Variants in SEMA3E observed in about 807,000 individuals in gnomAD.
SEMA3E encodes semaphorin 3E.
SEMA3E carries 49 observed loss-of-function variants against 93.6 expected under a neutral mutation model. The observed-to-expected ratio is 0.52, with a 90% CI of 0.42 to 0.66. The LOEUF (loss-of-function observed/expected upper bound fraction) is 0.66, where lower values mean the gene tolerates loss of function less well. Ranked by LOEUF, SEMA3E falls within the 30% of genes least tolerant of loss-of-function variation. The pLI, the probability that SEMA3E is intolerant of heterozygous loss-of-function variation, is 0.00. For missense variants in SEMA3E, 906 were observed against 964.8 expected (o/e 0.94, Z 0.81); for synonymous variants, 363 against 330.7 (o/e 1.10, Z -1.06).
chr7:83,448,244 T>A (rs1789276904), intron 4 of SEMA3E, among the ~76,000 whole-genome samples: 1 of 152,234 alleles, frequency 6.6e-6, no homozygotes, highest in South Asian at 2.1e-4. Context: ...AATTTATAAC[T>A]AATTCAACTT....
intron 1 of SEMA3E, among the ~76,000 whole-genome samples, chr7:83,608,093 A>G (rs1793164760): frequency 6.6e-6 from 1 of 151,974 alleles, no homozygotes; most frequent in African/African-American, 2.4e-5. Flanking sequence ...GCACCTGTCA[A>G]TCCTAGACAC....
At chr7:83,457,220 G>A (rs2115842100) in intron 4 of SEMA3E, among the ~76,000 whole-genome samples, 1 of 149,874 alleles carries the variant, frequency 6.7e-6, no homozygotes, top group Admixed American at 6.7e-5. Context: ...CAGAATGACA[G>A]AGACAGACAG....
chr7:83,622,038 A>G (rs1322177807), intron 1 of SEMA3E, among the ~76,000 whole-genome samples: 1 of 152,218 alleles, frequency 6.6e-6, no homozygotes, highest in East Asian at 1.9e-4. Flanking sequence ...AGAAGCTATC[A>G]TCAGAGTGAA....
chr7:83,374,709 C>G (rs557608020), intron 16 of SEMA3E, among the ~76,000 whole-genome samples: 1 of 152,204 alleles, frequency 6.6e-6, no homozygotes, highest in Non-Finnish European at 1.5e-5. Flanking sequence ...TTTACTTTTA[C>G]AGTTCATGCA....
At chr7:83,616,354 A>G (rs577862599) in intron 1 of SEMA3E, among the ~76,000 whole-genome samples, 1 of 152,276 alleles carries the variant, frequency 6.6e-6, no homozygotes, top group East Asian at 1.9e-4. Context: ...ACTTTTGTAT[A>G]TGTGTGTTAT....
rs1472285194 is a variant in SEMA3E, at chr7:83,526,940, A to G, written c.116-36666T>C. ...AGGTTAATTGTGACCTCATAATGAT[A>G]TGTTCAAGCCCCAACCCCCAGCTTT... On this transcript the variant is annotated intron_variant, in intron 1 of 16. Coordinates refer to ENST00000643230, the MANE Select transcript of SEMA3E (RefSeq NM_012431.3). 3.3e-5 allele frequency among the ~76,000 whole-genome samples: 5 copies of G among 152,010 alleles called. No homozygotes were observed. In the East Asian group the frequency reaches 9.7e-4, roughly 29 times the overall value.
At chr7:83,433,694 A>G (rs1788935378) in intron 4 of SEMA3E, among the ~76,000 whole-genome samples, 1 of 152,160 alleles carries the variant, frequency 6.6e-6, no homozygotes, top group Non-Finnish European at 1.5e-5. Flanking sequence ...ATTTTGAAGT[A>G]TAGATTTACA....
intron 1 of SEMA3E, among the ~76,000 whole-genome samples, chr7:83,521,484 C>T (rs1791048589): frequency 6.6e-6 from 1 of 151,992 alleles, no homozygotes; most frequent in Admixed American, 6.6e-5. Context: ...CATTTTTTTC[C>T]TGAAGAAAAT....
chr7:83,437,501 C>G (rs1161230613), intron 4 of SEMA3E, among the ~76,000 whole-genome samples: 2 of 151,402 alleles, frequency 1.3e-5, no homozygotes, highest in Admixed American at 1.3e-4. Context: ...CTTTTTTTCA[C>G]TCAAAAAACA....
At chr7:83,461,434 C>T (rs1789614625) in intron 4 of SEMA3E, among the ~76,000 whole-genome samples, 2 of 152,306 alleles carry the variant, frequency 1.3e-5, no homozygotes, top group Middle Eastern at 3.4e-3. Context: ...CCTCCTCACA[C>T]CTGGTCCGGC....
intron 1 of SEMA3E, among the ~76,000 whole-genome samples, chr7:83,632,387 T>C (rs42001): frequency 0.86 from 130,598 of 152,144 alleles, 56,368 homozygotes; most frequent in African/African-American, 0.96. Context: ...ATCTCAGCTT[T>C]AATTCCCACG....
chr7:83,572,054 C>G (rs1562837754), intron 1 of SEMA3E, among the ~76,000 whole-genome samples: 1 of 152,042 alleles, frequency 6.6e-6, no homozygotes, highest in Non-Finnish European at 1.5e-5. Context: ...TTATAAAACA[C>G]CTCTCAAAGA....
intron 16 of SEMA3E, among the ~76,000 whole-genome samples, chr7:83,379,214 G>A (rs1787723019): frequency 6.6e-6 from 1 of 151,550 alleles, no homozygotes; most frequent in African/African-American, 2.4e-5. Context: ...GATATATGGA[G>A]TGGAATACTA....
At chr7:83,389,629 C>T (rs933072716) in intron 14 of SEMA3E, among the ~76,000 whole-genome samples, 2 of 150,734 alleles carry the variant, frequency 1.3e-5, no homozygotes, top group African/African-American at 4.9e-5. Flanking sequence ...TGTATACATA[C>T]ACACACATAC....
In SEMA3E at chr7:83,532,799, A is replaced by C. The variant is rs908036405; in HGVS notation, c.116-42525T>G. On this transcript the variant is annotated intron_variant, in intron 1 of 16. Transcript: ENST00000643230. ...CTGTTTTTTTTTTAAAAAAAGAAAG[A>C]AAACAGCAACAAAAAACAAATATGA... Among the ~76,000 whole-genome samples, 78 of 151,336 alleles carry C rather than the reference A, an allele frequency of 5.2e-4. 1 individual carries two copies. The highest frequency in any genetic ancestry group is 6.8e-3 in the Middle Eastern group (2 of 294).
At chr7:83,521,932 T>G (rs1259198775) in intron 1 of SEMA3E, among the ~76,000 whole-genome samples, 1 of 152,094 alleles carries the variant, frequency 6.6e-6, no homozygotes, top group Admixed American at 6.6e-5. Context: ...TTTACAAAAA[T>G]TAAGCCACGT....
intron 4 of SEMA3E, among the ~76,000 whole-genome samples, chr7:83,427,722 C>A (rs1013015865): frequency 2.6e-5 from 4 of 152,112 alleles, no homozygotes; most frequent in Non-Finnish European, 4.4e-5. Flanking sequence ...TGATAAAATT[C>A]TCTTCCATAA....
rs550908408 is a variant in SEMA3E at position 83,502,312 on chromosome 7, A to G, written c.116-12038T>C. Among the ~76,000 whole-genome samples, 8 of 152,290 alleles carry G rather than the reference A, an allele frequency of 5.3e-5. 1 individual carries two copies. Among genetic ancestry groups the G allele is most frequent in the African/African-American group, 1.7e-4 (7 of 41,564 alleles). On this transcript the variant is annotated intron_variant, in intron 1 of 16. Transcript: ENST00000643230. ...TGATCATTTCTTTCCTTAAAAATAT[A>G]AATTGGGCTGTGATGTTCCTACCGT...
At chr7:83,452,848 T>C (rs1789392656) in intron 4 of SEMA3E, among the ~76,000 whole-genome samples, 1 of 152,140 alleles carries the variant, frequency 6.6e-6, no homozygotes, top group Admixed American at 6.5e-5. Flanking sequence ...CAGGCTCACC[T>C]TTTAATGCCG....
Sources: gnomAD v4.1 joint callset for allele counts (sites outside exome capture counted in the v4.1 genomes callset) on GRCh38, gnomAD v4.1.1 for gene constraint, MANE v1.5 for transcripts, NCBI Gene and HGNC (gene_info 2026-07-23, HGNC 2026-07-21) for gene names.